The following NAALADL2 variants were observed in gnomAD, a reference collection of about 807,000 sequenced individuals.
The protein encoded by NAALADL2 is N-acetylated alpha-linked acidic dipeptidase like 2.
Under a neutral mutation model 87.2 loss-of-function variants are expected in NAALADL2, and 76 were observed. The ratio of observed to expected loss-of-function variants is 0.87; its 90% CI spans 0.72 to 1.05. The LOEUF (loss-of-function observed/expected upper bound fraction) is 1.05. NAALADL2 is among the 50% of genes least tolerant of loss of function. The pLI is 0.00. For missense variants in NAALADL2, 1,089 were observed against 945.8 expected (o/e 1.15, Z -1.99); for synonymous variants, 354 against 331.0 (o/e 1.07, Z -0.75).
At chr3:174,765,162 G>C (rs1484080418) in intron 3 of NAALADL2, among the ~76,000 whole-genome samples, 2 of 150,904 alleles carry the variant, frequency 1.3e-5, no homozygotes, top group African/African-American at 2.4e-5. Flanking sequence ...GAGAGAGAGA[G>C]AGAGAGAGAC....
At chr3:175,300,064 A>G (rs187158038) in intron 4 of NAALADL2, among the ~76,000 whole-genome samples, 2,025 of 152,018 alleles carry the variant, frequency 0.013, 50 homozygotes, top group African/African-American at 0.046. Flanking sequence ...TTTGTCATTG[A>G]TTCTGTTTAT....
chr3:175,528,620 T>C (rs1340804713), intron 9 of NAALADL2, among the ~76,000 whole-genome samples: 1 of 152,178 alleles, frequency 6.6e-6, no homozygotes, highest in Non-Finnish European at 1.5e-5. Context: ...TCTCCTGAGA[T>C]CATACATAAA....
intron 3 of NAALADL2, among the ~76,000 whole-genome samples, chr3:174,830,451 T>TG (rs1287362574): frequency 8.5e-5 from 13 of 152,130 alleles, no homozygotes; most frequent in Non-Finnish European, 1.6e-4. Flanking sequence ...CTGAGGGCTC[T>TG]GTTCTTTTCC....
chr3:175,031,303 G>T (rs1580113345), intron 1 of NAALADL2, among the ~76,000 whole-genome samples: 1 of 151,996 alleles, frequency 6.6e-6, no homozygotes, highest in East Asian at 1.9e-4. Flanking sequence ...GGAGTCCCCA[G>T]TGTCTATTGT....
At chr3:174,510,930 T>C (rs1719561821) in intron 1 of NAALADL2, among the ~76,000 whole-genome samples, 1 of 151,980 alleles carries the variant, frequency 6.6e-6, no homozygotes, top group Admixed American at 6.5e-5. Flanking sequence ...CGTTTTCTAA[T>C]TTCTATTATA....
chr3:175,205,758 CA>C (rs1030187669), intron 2 of NAALADL2, among the ~76,000 whole-genome samples: 2 of 151,178 alleles, frequency 1.3e-5, no homozygotes, highest in East Asian at 3.9e-4. Context: ...AAGAAAACAA[CA>C]AAAAATCCCA....
At chr3:174,496,071 G>A (rs1718516021) in intron 1 of NAALADL2, among the ~76,000 whole-genome samples, 1 of 152,134 alleles carries the variant, frequency 6.6e-6, no homozygotes, top group South Asian at 2.1e-4. Flanking sequence ...TTTGGCAGCT[G>A]TGCTAGGTGG....
chr3:174,519,814 C>T (rs1190457373), intron 1 of NAALADL2, among the ~76,000 whole-genome samples: 2 of 152,056 alleles, frequency 1.3e-5, no homozygotes, highest in Non-Finnish European at 2.9e-5. Context: ...AAACCCTTAA[C>T]GAACTATGCA....
intron 4 of NAALADL2, among the ~76,000 whole-genome samples, chr3:175,302,741 G>A (rs554234291): frequency 2.0e-5 from 3 of 151,914 alleles, no homozygotes; most frequent in Non-Finnish European, 4.4e-5. Context: ...AAGTACTGGG[G>A]CAATAGGTGT....
At chr3:174,447,873 A>G (rs1382334761) in intron 1 of NAALADL2, among the ~76,000 whole-genome samples, 1 of 152,150 alleles carries the variant, frequency 6.6e-6, no homozygotes, top group Non-Finnish European at 1.5e-5. Flanking sequence ...TCTTACTTGT[A>G]GTAGGTCTCC....
In NAALADL2 at chr3:175,653,288, C is replaced by T. The variant is rs749604763; in HGVS notation, c.1896+25902C>T. On this transcript the variant is annotated intron_variant, in intron 11 of 13. Transcript: ENST00000454872. Reference sequence around the variant, plus strand: ...AGTAATTTCTGACTTTTTTGCTAATCCTTCTTCCACCATTTTCTTTAGTTT... The same window carrying T: ...AGTAATTTCTGACTTTTTTGCTAATTCTTCTTCCACCATTTTCTTTAGTTT... Among the ~76,000 whole-genome samples the T allele has an allele frequency of 4.3e-4, 65 of 151,960 alleles. 1 individual carries two copies. The highest frequency in any genetic ancestry group is 2.0e-4 in the Admixed American group (3 of 15,256).
At chr3:175,671,985 G>A (rs572455946) in intron 11 of NAALADL2, among the ~76,000 whole-genome samples, 1 of 152,032 alleles carries the variant, frequency 6.6e-6, no homozygotes, top group East Asian at 1.9e-4. Flanking sequence ...AGGCAATATC[G>A]AACAGTGCTA....
intron 5 of NAALADL2, among the ~76,000 whole-genome samples, chr3:175,329,991 A>G (rs1235245685): frequency 6.6e-6 from 1 of 152,220 alleles, no homozygotes; most frequent in Non-Finnish European, 1.5e-5. Context: ...ATAAAAAATC[A>G]GTGTACCATA....
At chr3:175,424,953 G>A (rs1385529367) in intron 5 of NAALADL2, among the ~76,000 whole-genome samples, 1 of 152,064 alleles carries the variant, frequency 6.6e-6, no homozygotes, top group Non-Finnish European at 1.5e-5. Context: ...AGACTCTTAC[G>A]TACTATACAG....
intron 1 of NAALADL2, among the ~76,000 whole-genome samples, chr3:174,866,403 T>C (rs1727152125): frequency 6.6e-6 from 1 of 151,740 alleles, no homozygotes; most frequent in Admixed American, 6.6e-5. Context: ...TTCAAACCTA[T>C]AGTAAATCTG....
chr3:175,016,601 C>A (rs1400915913), intron 1 of NAALADL2, among the ~76,000 whole-genome samples: 7 of 151,298 alleles, frequency 4.6e-5, no homozygotes, highest in African/African-American at 9.7e-5. Context: ...TACATATACG[C>A]AAATTAAAGA....
intron 1 of NAALADL2, among the ~76,000 whole-genome samples, chr3:174,941,828 C>G (rs1738651560): frequency 6.6e-6 from 1 of 151,886 alleles, no homozygotes; most frequent in African/African-American, 2.4e-5. Flanking sequence ...CAACCCTCTG[C>G]TTTTTTCTGT....
intron 1 of NAALADL2, among the ~76,000 whole-genome samples, chr3:174,498,045 T>A (rs185669298): frequency 6.6e-6 from 1 of 152,176 alleles, no homozygotes; most frequent in Non-Finnish European, 1.5e-5. Flanking sequence ...TGAAGTATAA[T>A]TGATATACAG....
intron 2 of NAALADL2, among the ~76,000 whole-genome samples, chr3:174,673,444 G>C (rs573191113): frequency 9.9e-5 from 15 of 152,120 alleles, no homozygotes; most frequent in African/African-American, 3.4e-4. Context: ...AATGAATGAA[G>C]ATAATGTGGT....
Sources: gnomAD v4.1 joint callset for allele counts (sites outside exome capture counted in the v4.1 genomes callset) on GRCh38, gnomAD v4.1.1 for gene constraint, MANE v1.5 for transcripts, NCBI Gene and HGNC (gene_info 2026-07-23, HGNC 2026-07-21) for gene names.